Variants in ZNF729 observed in about 807,000 individuals in gnomAD.
ZNF729 encodes the protein zinc finger protein 729.
ZNF729 carries 15 observed loss-of-function variants against 12.2 expected under a neutral mutation model. That is an observed-to-expected ratio of 1.23 (90% CI 0.82 to 1.89). The LOEUF (loss-of-function observed/expected upper bound fraction) is 1.89, where lower values mean the gene tolerates loss of function less well. ZNF729 is among the 40% of genes most tolerant of loss of function. The probability of loss-of-function intolerance (pLI) is 0.00; values close to 1 mark genes in which losing one functional copy is unlikely to be tolerated. For missense variants in ZNF729, 1,540 were observed against 1,456.7 expected, an observed-to-expected ratio of 1.06 and a Z score of -0.93; for synonymous variants, 492 against 476.3, an observed-to-expected ratio of 1.03 and a Z score of -0.43.
intron 1 of ZNF729, among the ~76,000 whole-genome samples, chr19:22,295,651 C>T (rs1179644864): frequency 3.9e-5 from 6 of 152,230 alleles, no homozygotes; most frequent in Admixed American, 2.0e-4. Flanking sequence ...CCGCCCGTCT[C>T]GGCCTCCCAA....
chr19:22,309,860 GT>G (rs1375116081), intron 3 of ZNF729, among the ~76,000 whole-genome samples: 1 of 151,564 alleles, frequency 6.6e-6, no homozygotes, highest in Non-Finnish European at 1.5e-5. Context: ...GTTTCCATTT[GT>G]TTGTGTCATC....
At chr19:22,293,879 C>G (rs1968189045) in intron 1 of ZNF729, among the ~76,000 whole-genome samples, 1 of 152,086 alleles carries the variant, frequency 6.6e-6, no homozygotes, top group Non-Finnish European at 1.5e-5. Flanking sequence ...AGACCTTTGT[C>G]AAAAGCATAG....
Position 22,316,793 on chromosome 19 carries a change from C to A in ZNF729, c.3376C>A (p.His1126Asn). 6.2e-7 allele frequency: 1 copy of A among 1,613,292 alleles called. No homozygotes were observed. Among genetic ancestry groups the A allele is most frequent in the Non-Finnish European group, 8.5e-7 (1 of 1,179,948 alleles). ...AACCCTTACGAAACATAAGATAATT[C>A]ATACTGGGGAGAAACCCTACAAATG... ...SSTLTKHKII[H>N]TGEKPYKCEE... is the part of the protein sequence containing the mutation. Residue 1126 changes from histidine to asparagine, a missense_variant, in exon 4 of 4, where the codon CAT becomes AAT. Transcript: ENST00000601693.
intron 3 of ZNF729, among the ~76,000 whole-genome samples, chr19:22,306,444 A>C (rs1380497075): frequency 6.7e-6 from 1 of 150,350 alleles, no homozygotes; most frequent in African/African-American, 2.4e-5. Context: ...TCTCAAAAAA[A>C]AAAAAAGAAA....
intron 3 of ZNF729, among the ~76,000 whole-genome samples, chr19:22,312,440 TTGTGTGTGTGTGTGTGTGTG>T (rs138264785): frequency 6.9e-6 from 1 of 144,552 alleles, no homozygotes; most frequent in East Asian, 2.0e-4. Context: ...TTGTCTGAAA[TTGTGTGTGTGTGTGTGTGTG>T]TGTGTGTGTG....
intron 3 of ZNF729, among the ~76,000 whole-genome samples, chr19:22,312,098 G>A (rs1032467448): frequency 6.6e-6 from 1 of 152,056 alleles, no homozygotes; most frequent in Non-Finnish European, 1.5e-5. Flanking sequence ...CATGCCATTA[G>A]GGGAAGAGGT....
intron 1 of ZNF729, among the ~76,000 whole-genome samples, chr19:22,300,417 G>A (rs142451978): frequency 6.6e-6 from 1 of 152,162 alleles, no homozygotes; most frequent in African/African-American, 2.4e-5. Context: ...GTTTCTCTGG[G>A]GCTGAAGAAA....
intron 1 of ZNF729, chr19:22,299,621 T>C (rs1487305375): frequency 6.5e-6 from 1 of 153,102 alleles, no homozygotes; most frequent in Non-Finnish European, 1.5e-5. Flanking sequence ...GTCCAATGCT[T>C]TGGGTGTCTG....
chr19:22,303,104 A>C (rs1968334637), intron 1 of ZNF729, among the ~76,000 whole-genome samples: 1 of 151,828 alleles, frequency 6.6e-6, no homozygotes, highest in Admixed American at 6.6e-5. Flanking sequence ...GCTGATGTGC[A>C]CCAGTGATCA....
intron 3 of ZNF729, among the ~76,000 whole-genome samples, chr19:22,307,934 G>A (rs1300584619): frequency 6.7e-5 from 10 of 149,520 alleles, no homozygotes. Context: ...GTTCTTTAAT[G>A]GTGATTTGTG....
chr19:22,313,317 G>T (rs908600315), intron 3 of ZNF729, among the ~76,000 whole-genome samples: 2 of 152,180 alleles, frequency 1.3e-5, no homozygotes, highest in African/African-American at 4.8e-5. Flanking sequence ...CTCCAAAAGT[G>T]CTGGGATTAC....
At chr19:22,292,334 C>G (rs890541978) in intron 1 of ZNF729, among the ~76,000 whole-genome samples, 2 of 152,028 alleles carry the variant, frequency 1.3e-5, no homozygotes, top group African/African-American at 4.8e-5. Flanking sequence ...ATAATGGTCT[C>G]CAGCTCCATC....
chr19:22,307,472 G>A lies in ZNF729; in HGVS notation c.253+2689G>A, dbSNP rs987064525. ...GAATATTTTTTTTTCAGCCGGACGC[G>A]GTGGCTTATGCCTGTAATCCCAGCA... On this transcript the variant is annotated intron_variant, in intron 3 of 3. Coordinates refer to ENST00000601693, the MANE Select transcript of ZNF729 (RefSeq NM_001242680.2). Among the ~76,000 whole-genome samples the A allele has an allele frequency of 3.6e-4, 55 of 150,956 alleles. 1 individual carries two copies. The highest frequency in any genetic ancestry group is 8.8e-4 in the African/African-American group (36 of 41,142).
chr19:22,287,216 G>T (rs1968090017), intron 1 of ZNF729, among the ~76,000 whole-genome samples: 1 of 148,596 alleles, frequency 6.7e-6, no homozygotes. Context: ...CCTGAGTTTT[G>T]TTTCCCCCAA....
At position 22,314,933 on chromosome 19, in the gene ZNF729, C is replaced by A. The variant is rs1197306220; in HGVS notation, c.1516C>A (p.His506Asn). ...TAACCATTTCTCAGACCTTAGAAGA[C>A]ATAAGATAATTCATACTGGAAAGAA... is the stretch of plus-strand genomic sequence containing the variant. ...AFNHFSDLRRHKIIHTGKKPY... is the reference protein window; with the variant it reads ...AFNHFSDLRRNKIIHTGKKPY... Residue 506 changes from histidine to asparagine, a missense_variant, in exon 4 of 4, where the codon CAT becomes AAT. Transcript: ENST00000601693. 1 of 1,612,706 alleles carries A rather than the reference C, an allele frequency of 6.2e-7. No individual in the cohort carries two copies. The highest frequency in any genetic ancestry group is 2.2e-5 in the East Asian group (1 of 44,784).
At chr19:22,291,146 T>C (rs1047913132) in intron 1 of ZNF729, among the ~76,000 whole-genome samples, 2 of 152,114 alleles carry the variant, frequency 1.3e-5, no homozygotes, top group African/African-American at 4.8e-5. Context: ...TGCTTGGTGT[T>C]TACCAAGCTC....
chr19:22,297,102 T>C (rs1051013048), intron 1 of ZNF729, among the ~76,000 whole-genome samples: 1 of 152,200 alleles, frequency 6.6e-6, no homozygotes, highest in Non-Finnish European at 1.5e-5. Flanking sequence ...AGGACTCTGG[T>C]CAAGTGCTGA....
chr19:22,309,644 C>T (rs529870009), intron 3 of ZNF729, among the ~76,000 whole-genome samples: 1 of 149,926 alleles, frequency 6.7e-6, no homozygotes, highest in Admixed American at 6.6e-5. Flanking sequence ...AATGTAATGG[C>T]TTCAGATTTG....
At chr19:22,305,054 TCTGA>T (rs1968361889) in intron 3 of ZNF729, among the ~76,000 whole-genome samples, 1 of 152,204 alleles carries the variant, frequency 6.6e-6, no homozygotes, top group South Asian at 2.1e-4. Flanking sequence ...GACTGCACAG[TCTGA>T]CTGCTTTTCC....
Sources: allele counts gnomAD v4.1 joint callset (sites outside exome capture counted in the v4.1 genomes callset), GRCh38; gene constraint gnomAD v4.1.1; transcripts MANE v1.5; gene names NCBI Gene and HGNC (gene_info 2026-07-23, HGNC 2026-07-21).